PLEKHM1: variants seen among roughly 807,000 people sequenced by gnomAD.
PLEKHM1 encodes the protein pleckstrin homology domain-containing family M member 1.
Under a neutral mutation model 94.3 loss-of-function variants are expected in PLEKHM1, and 28 were observed. The observed-to-expected ratio is 0.30, with a 90% CI of 0.22 to 0.41. The LOEUF is 0.41. Ranked by LOEUF, PLEKHM1 falls within the 10% of genes least tolerant of loss-of-function variation. PLEKHM1 has a pLI of 1.00. For missense variants in PLEKHM1, 907 were observed against 1,358.6 expected, an observed-to-expected ratio of 0.67 and a Z score of 5.22; for synonymous variants, 424 against 581.2, an observed-to-expected ratio of 0.73 and a Z score of 3.89.
At position 45,442,325 on chromosome 17, in the gene PLEKHM1, C is replaced by T. The variant is rs574966001; in HGVS notation, c.2838-2099G>A. On this transcript the variant is annotated intron_variant, in intron 9 of 11. Transcript: ENST00000430334. Reference sequence around the variant, plus strand: ...CTCGGTCCAGGCCCAGCTCCCTGGGCTAATTACTAACACCAGCTGCCACCC... The same window carrying T: ...CTCGGTCCAGGCCCAGCTCCCTGGGTTAATTACTAACACCAGCTGCCACCC... Among the ~76,000 whole-genome samples the T allele has an allele frequency of 1.1e-4, 17 of 152,302 alleles. No homozygotes were observed. In the East Asian group the frequency reaches 2.3e-3, roughly 21 times the overall value.
chr17:45,454,333 G>A, intron 6 of PLEKHM1, 61 bp from the exon 7 acceptor site: 12 of 1,463,930 alleles, frequency 8.2e-6, no homozygotes, highest in Non-Finnish European at 1.1e-5. Flanking sequence ...CCTGCCCAAG[G>A]CAGCCTCTGC....
rs142813980 is a variant in PLEKHM1 at position 45,475,507 on chromosome 17, C to T, written c.516G>A (p.Thr172=). 4.1e-5 allele frequency: 66 copies of T among 1,611,882 alleles called. No homozygotes were observed. The African/African-American group carries it at 5.5e-4, about 13-fold the overall frequency. ...TGTAGGAGAGTTCGAAGGACAAGGA[C>T]GTGAGGCCCTGCAGGAAGCTAAGGA... ...EFLLSFLQGL[T]SLSFELSYKS... is the part of the protein sequence containing the mutation. The change falls in exon 4 of 12, where the codon ACG becomes ACA. Residue 172 remains threonine, a synonymous_variant. Coordinates refer to ENST00000430334, the MANE Select transcript of PLEKHM1 (RefSeq NM_014798.3).
At chr17:45,464,356 GT>G (rs925290522) in intron 5 of PLEKHM1, among the ~76,000 whole-genome samples, 1 of 152,176 alleles carries the variant, frequency 6.6e-6, no homozygotes, top group African/African-American at 2.4e-5. Context: ...AAAAATAAAT[GT>G]TTTTAAAAGA....
At position 45,453,239 on chromosome 17, in the gene PLEKHM1, A is replaced by C. The variant is rs1233929578; in HGVS notation, c.2497+116T>G. ...AAGCCTGATCTGTGGCCTCATCCCT[A>C]GGGGAAGGATGGGGGCATTTGCGGG... On this transcript the variant is annotated intron_variant, in intron 7 of 11. Coordinates refer to ENST00000430334, the MANE Select transcript of PLEKHM1 (RefSeq NM_014798.3). This position sits in a 1 kb window ranked among gnomAD's most constrained non-coding sequence, Gnocchi z 4.1. 1.3e-6 allele frequency: 1 copy of C among 797,504 alleles called. No homozygotes were observed. Among genetic ancestry groups the C allele is most frequent in the East Asian group, 2.7e-5 (1 of 37,618 alleles). 49.4% of individuals were successfully genotyped at this position (797,504 alleles called of 1,614,324 possible).
intron 5 of PLEKHM1, among the ~76,000 whole-genome samples, chr17:45,461,909 C>T (rs1275201819): frequency 2.0e-5 from 3 of 152,170 alleles, no homozygotes; most frequent in African/African-American, 7.2e-5. Context: ...GCATTCTGTG[C>T]CTCAACATGG....
intron 8 of PLEKHM1, among the ~76,000 whole-genome samples, chr17:45,446,744 C>T (rs3973533): frequency 2.6e-5 from 4 of 152,290 alleles, no homozygotes; most frequent in African/African-American, 4.8e-5. Context: ...ATTTGACTGT[C>T]GTATCCAGCA....
chr17:45,453,565 C>T lies in PLEKHM1; in HGVS notation c.2287G>A (p.Glu763Lys), dbSNP rs774511845. The change falls in exon 7 of 12, where the codon GAG becomes AAG. Residue 763 changes from glutamate to lysine, a missense_variant. By Grantham distance (56) the Glu-to-Lys change is moderately conservative. Around this residue, in one of 3 missense-constraint regions of PLEKHM1, gnomAD observed 254 missense variants for 451.1 expected, o/e 0.56. Coordinates refer to ENST00000430334, the MANE Select transcript of PLEKHM1 (RefSeq NM_014798.3). The surrounding 1 kb of genome is among the most constrained non-coding windows in gnomAD (Gnocchi z 4.1). Reference protein sequence around the residue: ...AVLKLQAGNAEEAALWRDLVR... With the variant: ...AVLKLQAGNAKEAALWRDLVR... ...AGATCCCTCCACAGGGCGGCTTCCT[C>T]GGCGTTTCCGGCCTGCAGCTTCAGG... is the stretch of plus-strand genomic sequence containing the variant. The T allele has an allele frequency of 2.9e-5, 46 of 1,598,684 alleles. No homozygotes were observed. In the Middle Eastern group the frequency reaches 6.7e-4, roughly 23 times the overall value.
intron 1 of PLEKHM1, among the ~76,000 whole-genome samples, chr17:45,486,240 A>AAAAAAAAT (rs1555588810): frequency 2.8e-5 from 4 of 142,862 alleles, no homozygotes; most frequent in Admixed American, 1.5e-4. Context: ...TAAAATAAAA[A>AAAAAAAAT]AATAATAATA....
At position 45,468,339 on chromosome 17, in the gene PLEKHM1, G is replaced by A; in HGVS notation, c.1178C>T (p.Thr393Ile). The A allele has an allele frequency of 1.2e-6, 2 of 1,614,022 alleles. No individual in the cohort carries two copies. Among genetic ancestry groups the A allele is most frequent in the Non-Finnish European group, 1.7e-6 (2 of 1,179,998 alleles). ...PLDLQQPVES[T>I]SGQQPSSTVS... ...AGTACTAGAAGGCTGCTGGCCTGAG[G>A]TGCTCTCTACAGGCTGCTGTAAGTC... is the stretch of plus-strand genomic sequence containing the variant. Residue 393 changes from threonine to isoleucine, a missense_variant, in exon 5 of 12, where the codon ACC (threonine) becomes ATC (isoleucine). Around this residue, in one of 3 missense-constraint regions of PLEKHM1, gnomAD observed 477 missense variants for 601.5 expected, o/e 0.79. Transcript: ENST00000430334.
Position 45,470,114 on chromosome 17 carries a change from C to G in PLEKHM1, c.924-1521G>C, listed in dbSNP as rs547213026. Among the ~76,000 whole-genome samples the G allele has an allele frequency of 1.8e-4, 28 of 152,016 alleles. No homozygotes were observed. The South Asian group carries it at 5.8e-3, about 32-fold the overall frequency. ...CTGATTTTCAACATAGACACCAACA[C>G]ATTTTAATGGGGAGGGAATAGTCTT... On this transcript the variant is annotated intron_variant, in intron 4 of 11. Coordinates refer to ENST00000430334, the MANE Select transcript of PLEKHM1 (RefSeq NM_014798.3).
At chr17:45,474,819 A>C (rs1485721662) in intron 4 of PLEKHM1, among the ~76,000 whole-genome samples, 2 of 152,180 alleles carry the variant, frequency 1.3e-5, no homozygotes, top group Non-Finnish European at 2.9e-5. Flanking sequence ...GGCATGAGCC[A>C]CCGCACCCGG....
intron 6 of PLEKHM1, among the ~76,000 whole-genome samples, chr17:45,457,931 T>C (rs2051016912): frequency 6.6e-6 from 1 of 152,160 alleles, no homozygotes; most frequent in Non-Finnish European, 1.5e-5. Flanking sequence ...AATATTTTCC[T>C]ATTTGACTGG....
Position 45,468,502 on chromosome 17 carries a change from G to A in PLEKHM1, c.1015C>T (p.Leu339Phe), listed in dbSNP as rs377337950. 2.9e-4 allele frequency: 469 copies of A among 1,614,128 alleles called. 1 individual carries two copies. Among genetic ancestry groups the A allele is most frequent in the Non-Finnish European group, 3.4e-4 (406 of 1,180,048 alleles). ...CTGGTGTTGAGGCCATGGAGGGAGA[G>A]CGAGGCCTGTGGTGTGGGGATCTCT... ...ETEIPTPQAS[L>F]SLHGLNTSTY... The change falls in exon 5 of 12, where the codon CTC becomes TTC. Residue 339 changes from leucine (L) to phenylalanine (F), a missense_variant. Leu to Phe is a conservative substitution (Grantham distance 22). Coordinates refer to ENST00000430334, the MANE Select transcript of PLEKHM1 (RefSeq NM_014798.3).
At chr17:45,450,454 C>G (rs2050745544) in intron 8 of PLEKHM1, among the ~76,000 whole-genome samples, 164 bp downstream of exon 8, 1 of 152,220 alleles carries the variant, frequency 6.6e-6, no homozygotes, top group South Asian at 2.1e-4. Context: ...AGGCACCAAG[C>G]TTTTCTCTTG....
At chr17:45,463,368 C>T (rs1268240195) in intron 5 of PLEKHM1, among the ~76,000 whole-genome samples, 2 of 152,150 alleles carry the variant, frequency 1.3e-5, no homozygotes, top group South Asian at 2.1e-4. Context: ...AGAGTGCATG[C>T]ATGAACACCA....
Position 45,486,226 on chromosome 17 carries a change from A to T in PLEKHM1, c.-41-3701T>A, listed in dbSNP as rs932516586. Among the ~76,000 whole-genome samples, 79 of 147,220 alleles carry T rather than the reference A, an allele frequency of 5.4e-4. 1 individual carries two copies. The highest frequency in any genetic ancestry group is 1.9e-3 in the African/African-American group (78 of 40,400). ...AGAGAGACTCCGTCTCAAAAAAAAAAAGATAAAATAAAAAAATAATAATAA... is the reference window on the plus strand; with the variant it reads ...AGAGAGACTCCGTCTCAAAAAAAAATAGATAAAATAAAAAAATAATAATAA... On this transcript the variant is annotated intron_variant, in intron 1 of 11. Coordinates refer to ENST00000430334, the MANE Select transcript of PLEKHM1 (RefSeq NM_014798.3).
At position 45,436,600 on chromosome 17, in the gene PLEKHM1, A is replaced by G. The variant is rs1197689766; in HGVS notation, c.*1258T>C. The G allele has an allele frequency of 2.2e-6, 1 of 453,670 alleles. No individual in the cohort carries two copies. Among genetic ancestry groups the G allele is most frequent in the African/African-American group, 2.0e-5 (1 of 49,992 alleles). The allele number at this position is 453,670 out of a possible 1,614,324, so 28.1% of individuals were successfully genotyped here. The stretch of plus-strand genomic sequence containing the variant: ...GGTGGGGGAAGGCGACAGAGAGACC[A>G]GCAAACCCACATTTCCCCGAAGCCT... On this transcript the variant is annotated 3_prime_UTR_variant, in exon 12 of 12. Transcript: ENST00000430334.
rs2051399530 is a variant in PLEKHM1 at position 45,468,608 on chromosome 17, C to T, written c.924-15G>A. The T allele has an allele frequency of 3.7e-6, 6 of 1,614,034 alleles. No homozygotes were observed. The African/African-American group carries it at 6.7e-5, about 18-fold the overall frequency. On this transcript the variant is annotated splice_polypyrimidine_tract_variant and intron_variant, in intron 4 of 11. Transcript: ENST00000430334. The stretch of plus-strand genomic sequence containing the variant: ...CCAACAATACCCTAGAAGTTTTAAA[C>T]AAAGAAACCTGTGTGACAGGTTGTC...
chr17:45,458,709 G>A (rs2051056186), intron 5 of PLEKHM1, among the ~76,000 whole-genome samples: 2 of 151,678 alleles, frequency 1.3e-5, no homozygotes, highest in South Asian at 2.1e-4. Context: ...GACTTCAGGT[G>A]AGCCACCCAC....
Sources: allele counts gnomAD v4.1 joint callset (sites outside exome capture counted in the v4.1 genomes callset), GRCh38; gene constraint gnomAD v4.1.1; regional missense constraint gnomAD v4.1.1; non-coding constraint Gnocchi (gnomAD v3.1); transcripts MANE v1.5; gene names NCBI Gene and HGNC (gene_info 2026-07-23, HGNC 2026-07-21).